NBAS: variants seen among roughly 807,000 people sequenced by gnomAD.
NBAS encodes the protein NBAS subunit of NRZ tethering complex.
NBAS carries 219 observed loss-of-function variants against 302.5 expected under a neutral mutation model. The ratio of observed to expected loss-of-function variants is 0.72; its 90% CI spans 0.65 to 0.81. The LOEUF (loss-of-function observed/expected upper bound fraction) is 0.81. Ranked by LOEUF, NBAS falls within the 30% of genes least tolerant of loss-of-function variation. The pLI, the probability that NBAS is intolerant of heterozygous loss-of-function variation, is 0.00. For synonymous variants in NBAS, 1,118 were observed against 1,021.6 expected (o/e 1.09, Z -1.80); for missense variants, 2,932 against 2,841.6 (o/e 1.03, Z -0.72).
At chr2:15,187,709 G>GA (rs36029777) in intron 49 of NBAS, among the ~76,000 whole-genome samples, 3 of 152,006 alleles carry the variant, frequency 2.0e-5, no homozygotes, top group African/African-American at 7.2e-5. Context: ...CTTACATTAA[G>GA]AAAAAATTAC....
chr2:15,475,268 T>G (rs980682092), intron 14 of NBAS, among the ~76,000 whole-genome samples: 20 of 152,190 alleles, frequency 1.3e-4, no homozygotes, highest in Non-Finnish European at 2.8e-4. Context: ...AAAGATAACT[T>G]TACAGAACTA....
chr2:15,033,982 G>GA, the NBAS span, among the ~76,000 whole-genome samples: 2 of 95,806 alleles, frequency 2.1e-5, no homozygotes, highest in Non-Finnish European at 3.6e-5. Context: ...AAAAGAGGAA[G>GA]AGGAAGAAGA....
At chr2:14,999,205 G>C in the NBAS span, among the ~76,000 whole-genome samples, 1 of 151,974 alleles carries the variant, frequency 6.6e-6, no homozygotes, top group African/African-American at 2.4e-5. Flanking sequence ...TCCCTCTCTC[G>C]GTGGAGAAGG....
chr2:15,383,724 T>A (rs1187641287), intron 28 of NBAS, among the ~76,000 whole-genome samples: 1 of 152,188 alleles, frequency 6.6e-6, no homozygotes, highest in Non-Finnish European at 1.5e-5. Flanking sequence ...CACTCAGCAA[T>A]CCCTGTCAAG....
chr2:15,172,913 C>T (rs1009676526), intron 51 of NBAS, among the ~76,000 whole-genome samples: 7 of 152,146 alleles, frequency 4.6e-5, no homozygotes, highest in Admixed American at 6.5e-5. Flanking sequence ...TTGTTCAGGA[C>T]GATCTCTCTG....
the NBAS span, among the ~76,000 whole-genome samples, chr2:15,026,846 T>C: frequency 1.3e-5 from 2 of 152,224 alleles, no homozygotes; most frequent in Non-Finnish European, 2.9e-5. Flanking sequence ...GATGTGTGTC[T>C]ACTTTTATTT....
the NBAS span, among the ~76,000 whole-genome samples, chr2:15,141,640 A>G: frequency 1.3e-5 from 2 of 152,310 alleles, no homozygotes; most frequent in Non-Finnish European, 2.9e-5. Context: ...AAGATATTTG[A>G]TGCACAATGT....
At chr2:15,204,662 T>C (rs372982026) in intron 48 of NBAS, among the ~76,000 whole-genome samples, 90 of 152,282 alleles carry the variant, frequency 5.9e-4, no homozygotes, top group African/African-American at 1.9e-3. Flanking sequence ...ATATACACCA[T>C]GGAATACTAT....
the NBAS span, among the ~76,000 whole-genome samples, chr2:14,998,621 C>T: frequency 6.6e-6 from 1 of 152,196 alleles, no homozygotes; most frequent in Admixed American, 6.5e-5. Context: ...GGATTCATGT[C>T]CCATTCCCTT....
chr2:15,428,459 G>A (rs911213612), intron 21 of NBAS, among the ~76,000 whole-genome samples: 1 of 152,216 alleles, frequency 6.6e-6, no homozygotes. Context: ...GCCTGGTATT[G>A]TGGCTCACAC....
At chr2:15,143,761 G>A in the NBAS span, among the ~76,000 whole-genome samples, 1 of 151,984 alleles carries the variant, frequency 6.6e-6, no homozygotes, top group African/African-American at 2.4e-5. Context: ...TCAGTGGGCT[G>A]GGAAAAGTAG....
the NBAS span, among the ~76,000 whole-genome samples, chr2:15,111,439 C>G: frequency 6.6e-6 from 1 of 152,100 alleles, no homozygotes; most frequent in African/African-American, 2.4e-5. Context: ...CAGGTGGAAT[C>G]AGTAGGCAAC....
At chr2:14,825,448 G>C in the NBAS span, among the ~76,000 whole-genome samples, 2 of 152,182 alleles carry the variant, frequency 1.3e-5, no homozygotes, top group African/African-American at 4.8e-5. Context: ...AATTTCACCA[G>C]AAGGGAGCTG....
rs376156662 is a variant in NBAS at position 15,478,181 on chromosome 2, T to C, written c.1147+45A>G. 99 of 1,232,292 alleles carry C rather than the reference T, an allele frequency of 8.0e-5. No individual in the cohort carries two copies. The African/African-American group carries it at 1.2e-3, about 15-fold the overall frequency. 76.3% of individuals were successfully genotyped at this position (1,232,292 alleles called of 1,614,324 possible). ...ATCCAAAGAGAATCTTGTATAATAA[T>C]AGGAGTATATTAAGGTTTCAATTAT... is the stretch of plus-strand genomic sequence containing the variant. On this transcript the variant is annotated intron_variant, in intron 13 of 51. Transcript: ENST00000281513.
chr2:15,187,454 C>T (rs1369410888), intron 49 of NBAS, among the ~76,000 whole-genome samples: 4 of 152,162 alleles, frequency 2.6e-5, no homozygotes, highest in Non-Finnish European at 5.9e-5. Context: ...CAGGGTATTG[C>T]ATAGCAGAGG....
chr2:15,418,879 C>G (rs1386702304), intron 23 of NBAS, among the ~76,000 whole-genome samples: 1 of 152,110 alleles, frequency 6.6e-6, no homozygotes, highest in Non-Finnish European at 1.5e-5. Context: ...CGCAGCTGAT[C>G]AGGAAGGCAG....
intron 35 of NBAS, among the ~76,000 whole-genome samples, chr2:15,340,450 G>A (rs775687307): frequency 6.6e-6 from 1 of 152,166 alleles, no homozygotes; most frequent in African/African-American, 2.4e-5. Context: ...AGATGTGGTA[G>A]GTGGGGAGAG....
chr2:15,331,992 A>C (rs1404227482), intron 35 of NBAS, among the ~76,000 whole-genome samples: 1 of 152,184 alleles, frequency 6.6e-6, no homozygotes, highest in Non-Finnish European at 1.5e-5. Context: ...GCCATGAAGG[A>C]AGAGGCAGGA....
chr2:15,248,708 A>T (rs1668219863), intron 44 of NBAS, among the ~76,000 whole-genome samples: 1 of 152,186 alleles, frequency 6.6e-6, no homozygotes, highest in South Asian at 2.1e-4. Context: ...TAAACTAGAA[A>T]ATCTAGAAGA....
Sources: gnomAD v4.1 joint callset for allele counts (sites outside exome capture counted in the v4.1 genomes callset) on GRCh38, gnomAD v4.1.1 for gene constraint, MANE v1.5 for transcripts, NCBI Gene and HGNC (gene_info 2026-07-23, HGNC 2026-07-21) for gene names.